The following SF3A1 variants were observed in gnomAD, a reference collection of about 807,000 sequenced individuals.
SF3A1 encodes SAP 114.
In SF3A1, 13 loss-of-function variants were observed where a neutral mutation model predicts 89.9. That is an observed-to-expected ratio of 0.14 (90% CI 0.09 to 0.23). The LOEUF (loss-of-function observed/expected upper bound fraction) is 0.23. Among genes scored for constraint, SF3A1 ranks in the 10% least tolerant of loss-of-function variants. The pLI, the probability that SF3A1 is intolerant of heterozygous loss-of-function variation, is 1.00. For missense variants in SF3A1, 604 were observed against 1,022.1 expected (o/e 0.59, Z 5.58); for synonymous variants, 405 against 374.4 (o/e 1.08, Z -0.94).
At chr22:30,350,673 C>T (rs904111725) in intron 2 of SF3A1, among the ~76,000 whole-genome samples, 1 of 151,960 alleles carries the variant, frequency 6.6e-6, no homozygotes, top group African/African-American at 2.4e-5. Flanking sequence ...TTACAAGGAT[C>T]TAAAAAAAGG....
intron 4 of SF3A1, among the ~76,000 whole-genome samples, chr22:30,344,041 A>G (rs1931344879): frequency 6.6e-6 from 1 of 152,266 alleles, no homozygotes; most frequent in South Asian, 2.1e-4. Flanking sequence ...CAAAGCTGTC[A>G]GTGCACTTTG....
Position 30,345,087 on chromosome 22 carries a change from A to C in SF3A1, c.497T>G (p.Val166Gly). 1 of 1,614,244 alleles carries C rather than the reference A, an allele frequency of 6.2e-7. No homozygotes were observed. Among genetic ancestry groups the C allele is most frequent in the Non-Finnish European group, 8.5e-7 (1 of 1,180,046 alleles). The change falls in exon 4 of 16, where the codon GTG (valine) becomes GGG (glycine). Residue 166 changes from valine to glycine, a missense_variant. Transcript: ENST00000215793. ...CACAAACTGAGCCGTCAGCTTCACC[A>C]CATCCAAGTCGAAGGCTGAGATAGA... is the stretch of plus-strand genomic sequence containing the variant. ...PPSISAFDLD[V>G]VKLTAQFVAR...
chr22:30,339,277 AGG>A, intron 9 of SF3A1, 26 bp from the exon 10 acceptor site: 1 of 1,612,362 alleles, frequency 6.2e-7, no homozygotes, highest in Non-Finnish European at 8.5e-7. Context: ...ACAGAGGCAG[AGG>A]ATAGAAAGAG....
intron 13 of SF3A1, 150 bp downstream of exon 13, chr22:30,336,875 GT>G: frequency 1.3e-6 from 1 of 773,562 alleles, no homozygotes. Context: ...CATTCACTGT[GT>G]GCTCAGAAGC....
intron 7 of SF3A1, 98 bp downstream of exon 7, chr22:30,341,594 A>G: frequency 4.4e-6 from 3 of 688,998 alleles, no homozygotes; most frequent in African/African-American, 2.1e-5. Context: ...CCTCCTTTCA[A>G]GGCTCACAGG....
At position 30,334,641 on chromosome 22, in the gene SF3A1, C is replaced by A; in HGVS notation, c.2335G>T (p.Ala779Ser). Reference protein sequence around the residue: ...SLAYYNMANGAVIHLALKERG... With the variant: ...SLAYYNMANGSVIHLALKERG... The stretch of plus-strand genomic sequence containing the variant: ...TCCTTGAGGGCCAGGTGGATGACTG[C>A]GCCATTGGCCATGTTGTAGTAAGCC... Residue 779 changes from alanine (A) to serine (S), a missense_variant, in exon 16 of 16, where the codon GCA becomes TCA. By Grantham distance (99) the Ala-to-Ser change is moderately conservative. Coordinates refer to ENST00000215793, the MANE Select transcript of SF3A1 (RefSeq NM_005877.6). 2 of 1,584,864 alleles carry A rather than the reference C, an allele frequency of 1.3e-6. No homozygotes were observed. Among genetic ancestry groups the A allele is most frequent in the South Asian group, 1.2e-5 (1 of 86,634 alleles).
At chr22:30,342,459 T>C (rs1415480842) in intron 5 of SF3A1, 109 bp from the exon 6 acceptor site, 12 of 1,238,748 alleles carry the variant, frequency 9.7e-6, no homozygotes, top group Non-Finnish European at 1.3e-5. Context: ...CGGAACAGAA[T>C]GGAAGTATGG....
At chr22:30,339,831 G>C (rs77710062) in intron 9 of SF3A1, among the ~76,000 whole-genome samples, 16,085 of 152,218 alleles carry the variant, frequency 0.11, 1,043 homozygotes, top group African/African-American at 0.17. Flanking sequence ...CATGGTGTAA[G>C]TGGCAGAGTC....
intron 8 of SF3A1, 29 bp from the exon 9 acceptor site, chr22:30,340,410 A>T (rs769492204): frequency 1.9e-6 from 3 of 1,607,410 alleles, no homozygotes; most frequent in Non-Finnish European, 2.5e-6. Flanking sequence ...TTCAGTAAGA[A>T]CACTGGTGGG....
intron 2 of SF3A1, among the ~76,000 whole-genome samples, chr22:30,347,380 G>A (rs769541285): frequency 6.6e-5 from 10 of 152,080 alleles, no homozygotes; most frequent in Non-Finnish European, 1.5e-4. Context: ...CCATTATACT[G>A]GTGAGGCCCA....
chr22:30,349,277 TTTTA>T (rs1156271191), intron 2 of SF3A1, among the ~76,000 whole-genome samples: 1 of 152,190 alleles, frequency 6.6e-6, no homozygotes, highest in Non-Finnish European at 1.5e-5. Context: ...AGTTCACAGA[TTTTA>T]TTTATTTATT....
In SF3A1 at chr22:30,338,799, C is replaced by T. The variant is rs200311097; in HGVS notation, c.1733G>A (p.Arg578Gln). ...TAGATGCTGGCTTACTGTGGGTGGT[C>T]GGGGCACTGAAGTGATGGGTGGAGC... ...SSAPPITSVP[R>Q]PPTMPPPVRT... Residue 578 changes from arginine to glutamine, a missense_variant, in exon 11 of 16, where the codon CGA (arginine) becomes CAA (glutamine). Physicochemically the swap from Arg to Gln is conservative, Grantham distance 43. This residue lies in a region of SF3A1 where 85 missense variants were observed against 137.3 expected (regional missense o/e 0.62). Transcript: ENST00000215793. 3.1e-6 allele frequency: 5 copies of T among 1,613,990 alleles called. No homozygotes were observed. The African/African-American group carries it at 4.0e-5, about 13-fold the overall frequency.
At chr22:30,352,844 A>G in intron 2 of SF3A1, 107 bp downstream of exon 2, 2 of 1,407,122 alleles carry the variant, frequency 1.4e-6, no homozygotes, top group Non-Finnish European at 1.9e-6. Flanking sequence ...TTTATGAACT[A>G]AAAGGCCCAA....
Position 30,332,848 on chromosome 22 carries a change from C to T in SF3A1, c.*1746G>A, listed in dbSNP as rs1379655004. 6.6e-6 allele frequency: 1 copy of T among 152,264 alleles called. No homozygotes were observed. Among genetic ancestry groups the T allele is most frequent in the East Asian group, 1.9e-4 (1 of 5,194 alleles). 9.4% of individuals were successfully genotyped at this position (152,264 alleles called of 1,614,324 possible). On this transcript the variant is annotated 3_prime_UTR_variant, in exon 16 of 16. Coordinates refer to ENST00000215793, the MANE Select transcript of SF3A1 (RefSeq NM_005877.6). ...TCCTGGCCTCCGGTCACAGCCTCAG[C>T]CACGGAAGTCCTGCAGGGTTTGCCA...
Position 30,340,715 on chromosome 22 carries a change from C to A in SF3A1, c.1169G>T (p.Arg390Leu). ...CCTACCTTTGGGATCATAATCCTTG[C>A]GGACAATGACTTGGTCTGGAGTTGG... ...LPPTPDQVIV[R>L]KDYDPKASKP... The change falls in exon 8 of 16, where the codon CGC becomes CTC. Residue 390 changes from arginine to leucine, a missense_variant. This residue lies in a region of SF3A1 where 146 missense variants were observed against 228.5 expected (regional missense o/e 0.64). Coordinates refer to ENST00000215793, the MANE Select transcript of SF3A1 (RefSeq NM_005877.6). 3.1e-6 allele frequency: 5 copies of A among 1,604,328 alleles called. No individual in the cohort carries two copies. The highest frequency in any genetic ancestry group is 4.3e-6 in the Non-Finnish European group (5 of 1,172,484).
chr22:30,339,163 G>T lies in SF3A1; in HGVS notation c.1464C>A (p.Ile488=). The stretch of plus-strand genomic sequence containing the variant: ...CTGGCTTCTGGATCTCCTCCTCACC[G>T]ATCTTCTTACCAATGGCTGTTTCCT... ...GVEETAIGKK[I]GEEEIQKPEE... The change falls in exon 10 of 16, where the codon ATC becomes ATA. Residue 488 remains isoleucine, a synonymous_variant. Coordinates refer to ENST00000215793, the MANE Select transcript of SF3A1 (RefSeq NM_005877.6). 1.2e-6 allele frequency: 2 copies of T among 1,614,134 alleles called. No individual in the cohort carries two copies. The highest frequency in any genetic ancestry group is 1.7e-6 in the Non-Finnish European group (2 of 1,180,026).
At chr22:30,349,758 G>C (rs995179902) in intron 2 of SF3A1, among the ~76,000 whole-genome samples, 2 of 150,510 alleles carry the variant, frequency 1.3e-5, no homozygotes, top group Non-Finnish European at 2.9e-5. Context: ...TCAGGCTCAA[G>C]TGATCCTCCC....
At position 30,345,073 on chromosome 22, in the gene SF3A1, C is replaced by A; in HGVS notation, c.511G>T (p.Ala171Ser). Reference sequence around the variant, plus strand: ...CGCCCATTCCTGGCCACAAACTGAGCCGTCAGCTTCACCACATCCAAGTCG... The same window carrying A: ...CGCCCATTCCTGGCCACAAACTGAGACGTCAGCTTCACCACATCCAAGTCG... Reference protein sequence around the residue: ...AFDLDVVKLTAQFVARNGRQF... With the variant: ...AFDLDVVKLTSQFVARNGRQF... Residue 171 changes from alanine to serine, a missense_variant, in exon 4 of 16, where the codon GCT (alanine) becomes TCT (serine). Coordinates refer to ENST00000215793, the MANE Select transcript of SF3A1 (RefSeq NM_005877.6). The A allele has an allele frequency of 6.2e-7, 1 of 1,614,216 alleles. No individual in the cohort carries two copies. Among genetic ancestry groups the A allele is most frequent in the Non-Finnish European group, 8.5e-7 (1 of 1,180,046 alleles).
intron 1 of SF3A1, among the ~76,000 whole-genome samples, chr22:30,354,115 C>G (rs1223013128): frequency 1.3e-5 from 2 of 152,112 alleles, no homozygotes; most frequent in Non-Finnish European, 1.5e-5. Flanking sequence ...CCCATAAGTA[C>G]CAATATTTTT....
Sources: allele counts gnomAD v4.1 joint callset (sites outside exome capture counted in the v4.1 genomes callset), GRCh38; gene constraint gnomAD v4.1.1; regional missense constraint gnomAD v4.1.1; transcripts MANE v1.5; gene names NCBI Gene and HGNC (gene_info 2026-07-23, HGNC 2026-07-21).